The following CAMK4 variants were observed in gnomAD, a reference collection of about 807,000 sequenced individuals.
The protein encoded by CAMK4 is calcium/calmodulin dependent protein kinase IV.
CAMK4 carries 22 observed loss-of-function variants against 44.9 expected under a neutral mutation model. The observed-to-expected ratio is 0.49, with a 90% CI of 0.35 to 0.70. The LOEUF is 0.70. CAMK4 is among the 30% of genes least tolerant of loss of function. The pLI is 0.01. For missense variants in CAMK4, 498 were observed against 586.8 expected, an observed-to-expected ratio of 0.85 and a Z score of 1.56; for synonymous variants, 218 against 215.4, an observed-to-expected ratio of 1.01 and a Z score of -0.11.
intron 5 of CAMK4, among the ~76,000 whole-genome samples, chr5:111,430,476 G>C (rs1173903311): frequency 1.3e-5 from 2 of 152,162 alleles, no homozygotes; most frequent in African/African-American, 4.8e-5. Context: ...AATGAGACAA[G>C]AGAAAGATAT....
At chr5:111,448,497 G>A (rs1215028763) in intron 6 of CAMK4, among the ~76,000 whole-genome samples, 2 of 152,056 alleles carry the variant, frequency 1.3e-5, no homozygotes, top group Non-Finnish European at 2.9e-5. Flanking sequence ...TATAACTATT[G>A]CAACTATTAC....
chr5:111,445,350 T>A (rs1423383795), intron 5 of CAMK4, among the ~76,000 whole-genome samples: 3 of 152,108 alleles, frequency 2.0e-5, no homozygotes, highest in African/African-American at 7.2e-5. Flanking sequence ...TATATATAAG[T>A]AGGAAAATGG....
chr5:111,487,484 A>T lies in CAMK4; in HGVS notation c.*3018A>T, dbSNP rs538968995. 3 of 152,308 alleles carry T rather than the reference A, an allele frequency of 2.0e-5. No homozygotes were observed. Among genetic ancestry groups the T allele is most frequent in the African/African-American group, 7.2e-5 (3 of 41,584 alleles). 9.4% of individuals were successfully genotyped at this position (152,308 alleles called of 1,614,324 possible). The stretch of plus-strand genomic sequence containing the variant: ...TCGTGGTAGAAGTTAATTGTCCAGA[A>T]CAAGTGCATTATATAAATATAATGC... On this transcript the variant is annotated 3_prime_UTR_variant, in exon 11 of 11. Transcript: ENST00000282356.
intron 2 of CAMK4, among the ~76,000 whole-genome samples, chr5:111,356,353 TG>T (rs1486925875): frequency 1.3e-5 from 2 of 151,716 alleles, no homozygotes; most frequent in Non-Finnish European, 2.9e-5. Flanking sequence ...TGGGGTTGTT[TG>T]TTTTTTTCTT....
chr5:111,480,285 CA>C (rs1755390365), intron 9 of CAMK4, among the ~76,000 whole-genome samples: 1 of 150,986 alleles, frequency 6.6e-6, no homozygotes, highest in Non-Finnish European at 1.5e-5. Flanking sequence ...CACACACACA[CA>C]CACCCCTGGG....
At chr5:111,243,977 A>G (rs1749122231) in intron 1 of CAMK4, among the ~76,000 whole-genome samples, 2 of 152,176 alleles carry the variant, frequency 1.3e-5, no homozygotes, top group Non-Finnish European at 2.9e-5. Flanking sequence ...TGTTTTTTTA[A>G]TACAGATGAA....
intron 1 of CAMK4, among the ~76,000 whole-genome samples, chr5:111,270,547 T>C (rs954961714): frequency 6.6e-6 from 1 of 152,214 alleles, no homozygotes; most frequent in Admixed American, 6.5e-5. Context: ...TCTGACATGA[T>C]TACTGTCAAA....
intron 5 of CAMK4, among the ~76,000 whole-genome samples, chr5:111,399,817 C>G (rs1752156462): frequency 6.6e-6 from 1 of 152,158 alleles, no homozygotes; most frequent in African/African-American, 2.4e-5. Flanking sequence ...TTACCTCTGT[C>G]CGTTCAGATC....
chr5:111,343,669 TAGGAA>T (rs1749735823), intron 1 of CAMK4, among the ~76,000 whole-genome samples: 1 of 151,748 alleles, frequency 6.6e-6, no homozygotes, highest in Non-Finnish European at 1.5e-5. Flanking sequence ...CATGTACCTT[TAGGAA>T]AGCTCTGGGA....
Position 111,372,657 on chromosome 5 carries a change from G to A in CAMK4, c.241-2193G>A, listed in dbSNP as rs960589613. On this transcript the variant is annotated intron_variant, in intron 2 of 10. Transcript: ENST00000282356. Reference sequence around the variant, plus strand: ...TAAATTACCATTTGGGACTTATTACGTGAGTTTGAGCTGCGTGTTTGTTAC... The same window carrying A: ...TAAATTACCATTTGGGACTTATTACATGAGTTTGAGCTGCGTGTTTGTTAC... Among the ~76,000 whole-genome samples, 29 of 152,118 alleles carry A rather than the reference G, an allele frequency of 1.9e-4. 1 individual carries two copies. The highest frequency in any genetic ancestry group is 5.8e-4 in the African/African-American group (24 of 41,428).
At chr5:111,483,376 A>C (rs957906907) in intron 10 of CAMK4, among the ~76,000 whole-genome samples, 1 of 152,092 alleles carries the variant, frequency 6.6e-6, no homozygotes, top group African/African-American at 2.4e-5. Flanking sequence ...AAGTGATATA[A>C]TAAATTACTT....
intron 4 of CAMK4, among the ~76,000 whole-genome samples, chr5:111,385,185 G>C (rs1267770593): frequency 6.6e-6 from 1 of 152,134 alleles, no homozygotes; most frequent in East Asian, 1.9e-4. Context: ...GAGATCATCA[G>C]ATGTTTTGTG....
intron 2 of CAMK4, 117 bp from the exon 3 acceptor site, chr5:111,374,733 A>G: frequency 1.5e-6 from 1 of 663,388 alleles, no homozygotes; most frequent in Admixed American, 2.6e-5. Context: ...ACAAAAGCTA[A>G]GGAATTAGGC....
In CAMK4 at chr5:111,273,852, G is replaced by A. The variant is rs186497544; in HGVS notation, c.161+49208G>A. On this transcript the variant is annotated intron_variant, in intron 1 of 10. Transcript: ENST00000282356. The stretch of plus-strand genomic sequence containing the variant: ...TGTGTGTGTCTTTTTAATATAAAAG[G>A]TGTTAACAGCTATGTATTGTTCTGC... Among the ~76,000 whole-genome samples, 18 of 151,168 alleles carry A rather than the reference G, an allele frequency of 1.2e-4. No homozygotes were observed. The East Asian group carries it at 2.7e-3, about 23-fold the overall frequency.
At chr5:111,325,092 A>G (rs192701195) in intron 1 of CAMK4, among the ~76,000 whole-genome samples, 5 of 151,932 alleles carry the variant, frequency 3.3e-5, no homozygotes, top group Non-Finnish European at 5.9e-5. Flanking sequence ...GAGTGAGAAC[A>G]TGCGGTGTTT....
intron 1 of CAMK4, among the ~76,000 whole-genome samples, chr5:111,260,881 A>G (rs1229067415): frequency 6.6e-6 from 1 of 152,046 alleles, no homozygotes; most frequent in Non-Finnish European, 1.5e-5. Flanking sequence ...TCTCCTTAAC[A>G]TTCATCCTCC....
chr5:111,224,186 A>C, upstream of CAMK4: 1 of 256,232 alleles, frequency 3.9e-6, no homozygotes. This position sits in a 1 kb window ranked among gnomAD's most constrained non-coding sequence, Gnocchi z 5.7. Flanking sequence ...TCGGCGCGGG[A>C]GGAGGGCGGG....
At chr5:111,322,935 T>C (rs940827325) in intron 1 of CAMK4, among the ~76,000 whole-genome samples, 5 of 151,996 alleles carry the variant, frequency 3.3e-5, no homozygotes, top group Non-Finnish European at 7.4e-5. Context: ...GACAAATCAA[T>C]AGAAATTGTC....
intron 2 of CAMK4, among the ~76,000 whole-genome samples, chr5:111,344,386 C>G (rs998421167): frequency 2.0e-5 from 3 of 147,106 alleles, no homozygotes; most frequent in Non-Finnish European, 4.5e-5. Context: ...CAGGCATGTT[C>G]TTGGAGATTT....
Sources: allele counts gnomAD v4.1 joint callset (sites outside exome capture counted in the v4.1 genomes callset), GRCh38; gene constraint gnomAD v4.1.1; non-coding constraint Gnocchi (gnomAD v3.1); transcripts MANE v1.5; gene names NCBI Gene and HGNC (gene_info 2026-07-23, HGNC 2026-07-21).